The following MYO15B variants were observed in gnomAD, a reference collection of about 807,000 sequenced individuals.
MYO15B encodes myosin XVB pseudogene.
Under a neutral mutation model 119.3 loss-of-function variants are expected in MYO15B, and 207 were observed. The ratio of observed to expected loss-of-function variants is 1.73; its 90% CI spans 1.55 to 1.95. MYO15B has a LOEUF of 1.95. Ranked by LOEUF, MYO15B falls within the 30% of genes most tolerant of loss-of-function variation. The pLI is 0.00. For synonymous variants in MYO15B, 966 were observed against 498.9 expected (o/e 1.94, Z -12.48); for missense variants, 2,264 against 1,203.1 (o/e 1.88, Z -13.04).
At position 75,618,276 on chromosome 17, in the gene MYO15B, C is replaced by A. The variant is rs1162231316; in HGVS notation, c.6987+91C>A. 7.5e-5 allele frequency: 51 copies of A among 684,220 alleles called. No homozygotes were observed. The South Asian group carries it at 7.6e-4, about 10-fold the overall frequency. The allele number at this position is 684,220 out of a possible 1,614,324, so 42.4% of individuals were successfully genotyped here. On this transcript the variant is annotated intron_variant, in intron 43 of 63. Coordinates refer to ENST00000645453, the Ensembl canonical transcript of MYO15B. The stretch of plus-strand genomic sequence containing the variant: ...TAATGGCTGGGCCAGGTTAACACCA[C>A]GTAGGGCATGTTGGCAGCCAGCACT...
At chr17:75,617,858 C>T (rs999963963) in exon 42 of MYO15B, 15 of 702,814 alleles carry the variant, frequency 2.1e-5, no homozygotes, top group Admixed American at 8.0e-5. Flanking sequence ...CAGCTACTCG[C>T]GCCCTCTGGC....
chr17:75,610,306 T>TGAGCTGGCC lies in MYO15B; in HGVS notation c.4386+57_4386+65dup, dbSNP rs758415327. ...GGTTCAGGGTAGAAGCCAGGCTGCC[T>TGAGCTGGCC]GAGCTGGCCGAGCTGGCCAAATCCC... On this transcript the variant is annotated intron_variant, in intron 22 of 63. Transcript: ENST00000645453. 396 of 652,312 alleles carry TGAGCTGGCC rather than the reference T, an allele frequency of 6.1e-4. 3 individuals carry two copies. The highest frequency in any genetic ancestry group is 1.2e-3 in the Admixed American group (51 of 43,394). 40.4% of individuals were successfully genotyped at this position (652,312 alleles called of 1,614,324 possible). A position where few individuals can be genotyped will look rare whatever the true frequency, so the allele number is the denominator to read the frequency against.
exon 64 of MYO15B, chr17:75,626,429 C>T: frequency 1.4e-6 from 1 of 703,280 alleles, no homozygotes; most frequent in East Asian, 2.7e-5. Flanking sequence ...CTATACACCA[C>T]TGTCTTCCTG....
chr17:75,622,746 G>C (rs1049281795), intron 53 of MYO15B, among the ~76,000 whole-genome samples: 3 of 152,238 alleles, frequency 2.0e-5, no homozygotes, highest in African/African-American at 7.2e-5. Flanking sequence ...AGCCAGCAGA[G>C]TGTGCTGACC....
chr17:75,594,089 CA>C (rs5822095), intron 9 of MYO15B, among the ~76,000 whole-genome samples: 10,875 of 107,000 alleles, frequency 0.1, 431 homozygotes, highest in African/African-American at 0.17. Flanking sequence ...GACCCTGTCT[CA>C]AAAAAAAAAA....
At chr17:75,612,574 A>T (rs2058093629) in intron 25 of MYO15B, among the ~76,000 whole-genome samples, 1 of 151,950 alleles carries the variant, frequency 6.6e-6, no homozygotes, top group Admixed American at 6.6e-5. Context: ...CTGAGACAGG[A>T]GAATCACTTG....
At chr17:75,604,778 C>G (rs1229148623) in intron 19 of MYO15B, among the ~76,000 whole-genome samples, 2 of 151,914 alleles carry the variant, frequency 1.3e-5, no homozygotes, top group East Asian at 1.9e-4. Context: ...ATAGAGCAGG[C>G]ACTTTCCAAA....
rs376125493 is a variant in MYO15B, at chr17:75,616,623, C to CGGCCAAGGGCCAT, written c.6357_6369dup (p.Ala2124TrpfsTer107). The CGGCCAAGGGCCAT allele has an allele frequency of 3.3e-5, 23 of 702,926 alleles. No homozygotes were observed. Among genetic ancestry groups the CGGCCAAGGGCCAT allele is most frequent in the African/African-American group, 1.4e-4 (8 of 57,280 alleles). The allele number at this position is 702,926 out of a possible 1,614,324, so 43.5% of individuals were successfully genotyped here. ...GAGGCTGAGCCAGCCAAGGAGACAG[C>CGGCCAAGGGCCAT]GGCCAAGGGCCATGGCCAAGGGCCA... On this transcript the variant is annotated frameshift_variant, in exon 39 of 64. Coordinates refer to ENST00000645453, the Ensembl canonical transcript of MYO15B. LOFTEE classifies it high-confidence loss of function.
intron 36 of MYO15B, 34 bp from the exon 37 acceptor site, chr17:75,616,035 T>C: frequency 1.7e-6 from 1 of 579,182 alleles, no homozygotes; most frequent in East Asian, 2.9e-5. Flanking sequence ...GCACCCAGGC[T>C]GGCTGAGCTG....
chr17:75,593,801 C>T (rs1172414569), intron 9 of MYO15B, among the ~76,000 whole-genome samples: 1 of 151,948 alleles, frequency 6.6e-6, no homozygotes, highest in Admixed American at 6.6e-5. Context: ...TGCCTATAAT[C>T]CCAGCTACTT....
Position 75,617,313 on chromosome 17 carries a change from C to A in MYO15B, c.6814+9C>A, listed in dbSNP as rs537338339. On this transcript the variant is annotated intron_variant, in intron 41 of 63. Transcript: ENST00000645453. ...TTCAGCAGAGCGTCGTTGTAAGGAA[C>A]CACATTTCTCCTGCGCCGTGGGCTT... is the stretch of plus-strand genomic sequence containing the variant. The A allele has an allele frequency of 1.4e-5, 9 of 622,698 alleles. No homozygotes were observed. The South Asian group carries it at 1.6e-4, about 11-fold the overall frequency. 38.6% of individuals were successfully genotyped at this position (622,698 alleles called of 1,614,324 possible). A position where few individuals can be genotyped will look rare whatever the true frequency, so the allele number is the denominator to read the frequency against.
At chr17:75,614,040 AG>A (rs1408214512) in intron 29 of MYO15B, 158 bp from the exon 30 acceptor site, 8 of 606,200 alleles carry the variant, frequency 1.3e-5, no homozygotes, top group Non-Finnish European at 2.4e-5. Context: ...TGAGGTGAGG[AG>A]GGGAGCAGCC....
rs1416978294 is a variant in MYO15B at position 75,615,686 on chromosome 17, G to C, written c.5839-7G>C. 1.5e-5 allele frequency: 10 copies of C among 674,166 alleles called. No individual in the cohort carries two copies. The highest frequency in any genetic ancestry group is 2.2e-5 in the Non-Finnish European group (8 of 367,870). The allele number at this position is 674,166 out of a possible 1,614,324, so 41.8% of individuals were successfully genotyped here. A position where few individuals can be genotyped will look rare whatever the true frequency, so the allele number is the denominator to read the frequency against. ...AGGGTCTGAACTGGCTGCTCCTCCT[G>C]CTTCAGGCCCAGCAGATGACAGCCC... On this transcript the variant is annotated splice_region_variant and splice_polypyrimidine_tract_variant and intron_variant, in intron 35 of 63. Transcript: ENST00000645453.
chr17:75,623,426 C>T (rs915788929), intron 53 of MYO15B, among the ~76,000 whole-genome samples: 8 of 152,038 alleles, frequency 5.3e-5, no homozygotes, highest in African/African-American at 1.7e-4. Flanking sequence ...GTCAGGAGTT[C>T]GAGATTAAAC....
intron 21 of MYO15B, among the ~76,000 whole-genome samples, chr17:75,609,931 T>G (rs977364851): frequency 6.6e-6 from 1 of 152,104 alleles, no homozygotes; most frequent in Admixed American, 6.6e-5. Flanking sequence ...CCTCAAGTGA[T>G]CCACCCGCCT....
Position 75,615,224 on chromosome 17 carries a change from G to A in MYO15B, c.5642-16G>A, listed in dbSNP as rs1336838557. On this transcript the variant is annotated splice_polypyrimidine_tract_variant and intron_variant, in intron 33 of 63. Coordinates refer to ENST00000645453, the Ensembl canonical transcript of MYO15B. Reference sequence around the variant, plus strand: ...GGGCCCAGGCAGGGACTGACAGGGAGGGCGTGTTCCCTCAGTGTACCCAGG... The same window carrying A: ...GGGCCCAGGCAGGGACTGACAGGGAAGGCGTGTTCCCTCAGTGTACCCAGG... 2.9e-6 allele frequency: 2 copies of A among 698,744 alleles called. No individual in the cohort carries two copies. The highest frequency in any genetic ancestry group is 5.4e-5 in the East Asian group (2 of 37,134). The allele number at this position is 698,744 out of a possible 1,614,324, so 43.3% of individuals were successfully genotyped here. A position where few individuals can be genotyped will look rare whatever the true frequency, so the allele number is the denominator to read the frequency against.
chr17:75,616,476 TCC>T, intron 38 of MYO15B, 30 bp downstream of exon 38: 1 of 671,100 alleles, frequency 1.5e-6, no homozygotes, highest in Non-Finnish European at 2.7e-6. Context: ...GGCCTGGGGC[TCC>T]GGTGGCTCTG....
At chr17:75,591,298 G>A in intron 4 of MYO15B, 52 bp downstream of exon 4, 1 of 698,754 alleles carries the variant, frequency 1.4e-6, no homozygotes, top group Non-Finnish European at 2.6e-6. Context: ...ACTGAGGGTT[G>A]ATGGGGCGGG....
chr17:75,617,449 C>T (rs1056879394), intron 41 of MYO15B, 145 bp downstream of exon 41: 2 of 560,926 alleles, frequency 3.6e-6, no homozygotes, highest in Non-Finnish European at 6.3e-6. Flanking sequence ...CCATACGTAG[C>T]TGGGGAGTCC....
Sources: gnomAD v4.1 joint callset for allele counts (sites outside exome capture counted in the v4.1 genomes callset) on GRCh38, gnomAD v4.1.1 for gene constraint, MANE v1.5 for transcripts, NCBI Gene and HGNC (gene_info 2026-07-23, HGNC 2026-07-21) for gene names.